EP400: variants seen among roughly 807,000 people sequenced by gnomAD.
EP400 encodes E1A-binding protein p400.
A neutral mutation model predicts 354.1 loss-of-function variants in EP400; 105 were observed. That is an observed-to-expected ratio of 0.30 (90% confidence interval 0.25 to 0.35). The LOEUF (loss-of-function observed/expected upper bound fraction) is 0.35, where lower values mean the gene tolerates loss of function less well. Among genes scored for constraint, EP400 ranks in the 10% least tolerant of loss-of-function variants. The probability of loss-of-function intolerance (pLI) is 1.00; values close to 1 mark genes in which losing one functional copy is unlikely to be tolerated. For missense variants in EP400, 3,280 were observed against 4,121.0 expected, an observed-to-expected ratio of 0.80 and a Z score of 5.59; for synonymous variants, 1,646 against 1,716.9, an observed-to-expected ratio of 0.96 and a Z score of 1.02.
intron 11 of EP400, among the ~76,000 whole-genome samples, chr12:131,993,997 A>T (rs1252151783): frequency 6.6e-6 from 1 of 152,098 alleles, no homozygotes; most frequent in Non-Finnish European, 1.5e-5. Flanking sequence ...CCAAAATTCC[A>T]CCCTGGAAAC....
intron 12 of EP400, among the ~76,000 whole-genome samples, chr12:132,001,298 G>T (rs769266941): frequency 3.3e-5 from 5 of 152,198 alleles, no homozygotes; most frequent in Non-Finnish European, 7.4e-5. Context: ...GGGTCACGTG[G>T]GTTACGTGTC....
chr12:132,073,751 A>G (rs1481467586), intron 51 of EP400, among the ~76,000 whole-genome samples: 1 of 151,714 alleles, frequency 6.6e-6, no homozygotes, highest in East Asian at 2.0e-4. Context: ...ATGCCCAGCC[A>G]TAATTCTGTC....
At chr12:132,066,567 C>G (rs560021420) in intron 48 of EP400, 1 of 552,456 alleles carries the variant, frequency 1.8e-6, no homozygotes, top group Non-Finnish European at 3.1e-6. Flanking sequence ...GCAGGTCTTG[C>G]GGGAGCTTCA....
chr12:132,074,081 T>C (rs936931409), intron 51 of EP400, among the ~76,000 whole-genome samples: 3 of 151,604 alleles, frequency 2.0e-5, no homozygotes, highest in African/African-American at 4.9e-5. Flanking sequence ...CACACCACCA[T>C]GCCCAGCTAA....
rs760596309 is a variant in EP400, at chr12:131,989,983, G to A, written c.2429G>A (p.Arg810His). The change falls in exon 8 of 53, where the codon CGC becomes CAC. Residue 810 changes from arginine to histidine, a missense_variant. Around this residue, in one of 20 missense-constraint regions of EP400, gnomAD observed 800 missense variants for 840.0 expected, o/e 0.95. Transcript: ENST00000389561. ...AAKKLVRTVVRHHEEKQLREE... is the reference protein window; with the variant it reads ...AAKKLVRTVVHHHEEKQLREE... Reference sequence around the variant, plus strand: ...CACCAGCTCGTTAGAACTGTGGTGCGCCATCACGAGGAGAAGCAGCTCCGT... The same window carrying A: ...CACCAGCTCGTTAGAACTGTGGTGCACCATCACGAGGAGAAGCAGCTCCGT... 1.2e-6 allele frequency: 2 copies of A among 1,613,678 alleles called. No individual in the cohort carries two copies. The highest frequency in any genetic ancestry group is 1.3e-5 in the African/African-American group (1 of 75,032).
intron 51 of EP400, among the ~76,000 whole-genome samples, chr12:132,072,633 G>GA (rs1896098993): frequency 6.6e-6 from 1 of 152,182 alleles, no homozygotes; most frequent in Admixed American, 6.5e-5. Context: ...TCTTCAGGAT[G>GA]GGTTCACTTG....
At chr12:132,058,162 C>T (rs2136599586) in intron 45 of EP400, among the ~76,000 whole-genome samples, 1 of 152,186 alleles carries the variant, frequency 6.6e-6, no homozygotes. Flanking sequence ...AGCGGAGGGT[C>T]TGAGGGGAAG....
rs1895268876 is a variant in EP400 at position 132,050,978 on chromosome 12, AGG to A, written c.7394+324_7394+325del. 2 of 468,358 alleles carry A rather than the reference AGG, an allele frequency of 4.3e-6. No homozygotes were observed. Among genetic ancestry groups the A allele is most frequent in the Admixed American group, 7.4e-5 (2 of 26,890 alleles). 29.0% of individuals were successfully genotyped at this position (468,358 alleles called of 1,614,324 possible). A position where few individuals can be genotyped will look rare whatever the true frequency, so the allele number is the denominator to read the frequency against. On this transcript the variant is annotated intron_variant, in intron 41 of 52. Transcript: ENST00000389561. This position sits in a 1 kb window ranked among gnomAD's most constrained non-coding sequence, Gnocchi z 4.8. ...CTTTCTTCCTCACACCCCACCTCTC[AGG>A]CACTGATTTTGTTCGCCATATCTTA...
intron 2 of EP400, among the ~76,000 whole-genome samples, chr12:131,964,841 A>G (rs1892022929): frequency 6.6e-6 from 1 of 152,266 alleles, no homozygotes; most frequent in Non-Finnish European, 1.5e-5. Context: ...GTACAATAAT[A>G]CATTCTAATC....
intron 5 of EP400, 55 bp from the exon 6 acceptor site, chr12:131,986,459 G>A: frequency 6.5e-7 from 1 of 1,528,910 alleles, no homozygotes; most frequent in South Asian, 1.3e-5. Context: ...TTGGCACCGT[G>A]GGCTGCCCCG....
chr12:132,079,775 AGT>A lies in EP400; in HGVS notation c.*2107_*2108del, dbSNP rs1896329843. 1.3e-5 allele frequency: 2 copies of A among 152,220 alleles called. No homozygotes were observed. Among genetic ancestry groups the A allele is most frequent in the South Asian group, 4.1e-4 (2 of 4,830 alleles). The allele number at this position is 152,220 out of a possible 1,614,324, so 9.4% of individuals were successfully genotyped here. On this transcript the variant is annotated 3_prime_UTR_variant, in exon 53 of 53. Coordinates refer to ENST00000389561, the MANE Select transcript of EP400 (RefSeq NM_015409.5). ...GTCAGTGAGGGTCTCCTGTCTCTCA[AGT>A]GTGTTTCCTTTGGCTGTTCCCTAAT... is the stretch of plus-strand genomic sequence containing the variant.
In EP400 at chr12:131,960,951, G is replaced by A. The variant is rs776159690; in HGVS notation, c.332G>A (p.Arg111Gln). Reference sequence around the variant, plus strand: ...GGCTTCCAGTTCAGCGCTCAGCCTCGGCGGTTTGAGCATGGGTCTCCATCA... The same window carrying A: ...GGCTTCCAGTTCAGCGCTCAGCCTCAGCGGTTTGAGCATGGGTCTCCATCA... ...SPGFQFSAQP[R>Q]RFEHGSPSYI... is the part of the protein sequence containing the mutation. Residue 111 changes from arginine (R) to glutamine (Q), a missense_variant, in exon 2 of 53, where the codon CGG becomes CAG. Arg to Gln is a conservative substitution (Grantham distance 43). Coordinates refer to ENST00000389561, the MANE Select transcript of EP400 (RefSeq NM_015409.5). 5.0e-6 allele frequency: 8 copies of A among 1,612,082 alleles called. No homozygotes were observed. The highest frequency in any genetic ancestry group is 1.1e-5 in the South Asian group (1 of 90,922).
chr12:132,041,642 G>C, intron 32 of EP400, among the ~76,000 whole-genome samples: 1 of 152,096 alleles, frequency 6.6e-6, no homozygotes, highest in Non-Finnish European at 1.5e-5. Flanking sequence ...TTGTCTTTTG[G>C]TAAGCACGTA....
intron 5 of EP400, 144 bp from the exon 6 acceptor site, chr12:131,986,370 C>T (rs1409391339): frequency 8.1e-6 from 6 of 737,248 alleles, no homozygotes; most frequent in Admixed American, 2.7e-5. Context: ...GCTGTGGATA[C>T]GATGTGATTT....
chr12:131,986,438 C>T (rs1892856851), intron 5 of EP400, 76 bp from the exon 6 acceptor site: 10 of 1,453,982 alleles, frequency 6.9e-6, no homozygotes, highest in South Asian at 4.0e-5. Context: ...GTGCTGTGGG[C>T]GCTCAGGTAT....
intron 2 of EP400, among the ~76,000 whole-genome samples, chr12:131,975,234 G>C (rs1223369273): frequency 6.6e-6 from 1 of 152,136 alleles, no homozygotes; most frequent in Non-Finnish European, 1.5e-5. Context: ...CTCCCTGTCA[G>C]TGCTTCTTGA....
Position 132,027,955 on chromosome 12 carries a change from T to G in EP400, c.5110-62T>G. ...AATCACGGGCTGGGTGGGGGGTTGGTGAAGACAGGAACTTGTCATTCTGTT... is the reference window on the plus strand; with the variant it reads ...AATCACGGGCTGGGTGGGGGGTTGGGGAAGACAGGAACTTGTCATTCTGTT... On this transcript the variant is annotated intron_variant, in intron 26 of 52. Transcript: ENST00000389561. This position sits in a 1 kb window ranked among gnomAD's most constrained non-coding sequence, Gnocchi z 4.9. 1 of 1,565,920 alleles carries G rather than the reference T, an allele frequency of 6.4e-7. No homozygotes were observed. Among genetic ancestry groups the G allele is most frequent in the Non-Finnish European group, 8.7e-7 (1 of 1,149,430 alleles).
chr12:131,960,868 C>T lies in EP400; in HGVS notation c.249C>T (p.Val83=), dbSNP rs560209898. The T allele has an allele frequency of 9.3e-6, 15 of 1,613,988 alleles. No homozygotes were observed. The highest frequency in any genetic ancestry group is 1.7e-4 in the Middle Eastern group (1 of 6,048). Residue 83 remains valine (V), a synonymous_variant, in exon 2 of 53, where the codon GTC becomes GTT. Coordinates refer to ENST00000389561, the MANE Select transcript of EP400 (RefSeq NM_015409.5). ...NITLQSVGPV[V]GGNQQITLAP... ...CCCTGCAGAGCGTGGGCCCTGTCGT[C>T]GGGGGAAACCAGCAGATCACACTGG...
chr12:132,045,959 C>T, intron 39 of EP400, 59 bp downstream of exon 39: 1 of 1,585,178 alleles, frequency 6.3e-7, no homozygotes, highest in Non-Finnish European at 8.6e-7. Context: ...TGGCCGTGGC[C>T]TGCAGTTTCA....
Sources: gnomAD v4.1 joint callset for allele counts (sites outside exome capture counted in the v4.1 genomes callset) on GRCh38, gnomAD v4.1.1 for gene constraint, gnomAD v4.1.1 regional missense constraint, Gnocchi (gnomAD v3.1) non-coding constraint, MANE v1.5 for transcripts, NCBI Gene and HGNC (gene_info 2026-07-23, HGNC 2026-07-21) for gene names.